The following PREP variants were observed in gnomAD, a reference collection of about 807,000 sequenced individuals.
The protein encoded by PREP is prolyl endopeptidase, also known as dJ355L5.1 (prolyl endopeptidase).
Under a neutral mutation model 87.6 loss-of-function variants are expected in PREP, and 29 were observed. That is an observed-to-expected ratio of 0.33 (90% confidence interval 0.25 to 0.45). The LOEUF (loss-of-function observed/expected upper bound fraction) is 0.45, where lower values mean the gene tolerates loss of function less well. Among genes scored for constraint, PREP ranks in the 20% least tolerant of loss-of-function variants. The pLI, the probability that PREP is intolerant of heterozygous loss-of-function variation, is 1.00. For synonymous variants in PREP, 337 were observed against 328.6 expected, an observed-to-expected ratio of 1.03 and a Z score of -0.28; for missense variants, 695 against 886.5, an observed-to-expected ratio of 0.78 and a Z score of 2.74.
At chr6:105,376,678 C>A (rs1032231372) in intron 3 of PREP, among the ~76,000 whole-genome samples, 5 of 152,186 alleles carry the variant, frequency 3.3e-5, no homozygotes, top group African/African-American at 1.2e-4. Flanking sequence ...GGCAAGACTG[C>A]AAATATTTCA....
chr6:105,302,590 G>C (rs569285841), intron 10 of PREP: 401 of 429,920 alleles, frequency 9.3e-4, no homozygotes, highest in South Asian at 1.6e-3. Flanking sequence ...CCAGGGGCTT[G>C]TACCTCTTGC....
Position 105,277,981 on chromosome 6 carries a change from C to CCT in PREP, c.*161_*162dup. ...CCAAGGCCTTGCTAAAAAGGAGAAG[C>CCT]CTAAAAAAGATAAAATTCCCACGGC... On this transcript the variant is annotated 3_prime_UTR_variant, in exon 15 of 15. Transcript: ENST00000652536. 1 of 1,003,048 alleles carries CCT rather than the reference C, an allele frequency of 1.0e-6. No homozygotes were observed. The highest frequency in any genetic ancestry group is 1.5e-6 in the Non-Finnish European group (1 of 682,942). 62.1% of individuals were successfully genotyped at this position (1,003,048 alleles called of 1,614,324 possible).
At chr6:105,384,422 T>A (rs1001897768) in intron 2 of PREP, among the ~76,000 whole-genome samples, 2 of 152,136 alleles carry the variant, frequency 1.3e-5, no homozygotes, top group Non-Finnish European at 2.9e-5. Context: ...AAGTTTGAGG[T>A]TTACCCTCTT....
chr6:105,309,219 A>T (rs1047786506), intron 10 of PREP, among the ~76,000 whole-genome samples: 29 of 152,250 alleles, frequency 1.9e-4, no homozygotes, highest in African/African-American at 6.7e-4. Flanking sequence ...TTTATTAAGT[A>T]GCCACTTTAT....
intron 9 of PREP, among the ~76,000 whole-genome samples, chr6:105,327,812 C>T (rs984854273): frequency 6.6e-6 from 1 of 152,198 alleles, no homozygotes; most frequent in Non-Finnish European, 1.5e-5. Flanking sequence ...CAGGGTCTGC[C>T]TGGTCAACTG....
chr6:105,325,817 T>C (rs1272270574), intron 9 of PREP, among the ~76,000 whole-genome samples: 1 of 152,074 alleles, frequency 6.6e-6, no homozygotes, highest in Non-Finnish European at 1.5e-5. Flanking sequence ...GGTCAGGTGA[T>C]CGCTAGGAAA....
chr6:105,362,153 T>A (rs78150460), intron 6 of PREP, among the ~76,000 whole-genome samples: 4 of 152,156 alleles, frequency 2.6e-5, no homozygotes, highest in Non-Finnish European at 5.9e-5. Flanking sequence ...TTTGATAAAT[T>A]TGGTTATTCA....
At chr6:105,392,077 C>G (rs1055875776) in intron 2 of PREP, among the ~76,000 whole-genome samples, 4 of 139,910 alleles carry the variant, frequency 2.9e-5, no homozygotes, top group Non-Finnish European at 6.0e-5. Context: ...CGGAGTCTGG[C>G]TCTGTCACCC....
At chr6:105,381,766 C>T (rs2114718739) in intron 2 of PREP, among the ~76,000 whole-genome samples, 1 of 152,270 alleles carries the variant, frequency 6.6e-6, no homozygotes. Context: ...AGCAAAGCTT[C>T]AGTTATGCAA....
At chr6:105,310,038 A>C (rs916374096) in intron 10 of PREP, among the ~76,000 whole-genome samples, 2 of 152,180 alleles carry the variant, frequency 1.3e-5, no homozygotes, top group African/African-American at 4.8e-5. Flanking sequence ...GTTTTATGTA[A>C]TTAAGATTGA....
chr6:105,341,356 C>T (rs1031710654), intron 7 of PREP, among the ~76,000 whole-genome samples: 11 of 152,128 alleles, frequency 7.2e-5, no homozygotes, highest in Admixed American at 6.5e-5. Context: ...AAAGACACAA[C>T]GTAGCAGAAT....
At chr6:105,395,466 A>C (rs1303376809) in intron 2 of PREP, among the ~76,000 whole-genome samples, 1 of 152,218 alleles carries the variant, frequency 6.6e-6, no homozygotes, top group Non-Finnish European at 1.5e-5. Context: ...GGAAATAAAA[A>C]GATATATTTC....
rs73512039 is a variant in PREP at position 105,273,954 on chromosome 6, G to A, written c.*4190C>T. The stretch of plus-strand genomic sequence containing the variant: ...GTCCGAATGTTGCTTCCTGAAAGAG[G>A]CACCCTGACCTCGACTCAAATAGCA... On this transcript the variant is annotated 3_prime_UTR_variant, in exon 15 of 15. Coordinates refer to ENST00000652536, the MANE Select transcript of PREP (RefSeq NM_002726.5). 0.07 allele frequency among the ~76,000 whole-genome samples: 10,709 copies of A among 152,200 alleles called. 1,233 individuals are homozygous for A. Among genetic ancestry groups the A allele is most frequent in the African/African-American group, 0.25 (10,174 of 41,474 alleles).
At chr6:105,315,376 T>C (rs978913215) in intron 10 of PREP, among the ~76,000 whole-genome samples, 4 of 152,190 alleles carry the variant, frequency 2.6e-5, no homozygotes, top group Admixed American at 2.0e-4. Flanking sequence ...TTGCACCACA[T>C]TGCCAGGCTC....
intron 2 of PREP, among the ~76,000 whole-genome samples, chr6:105,381,173 A>C (rs9486073): frequency 0.016 from 2,390 of 152,358 alleles, 80 homozygotes; most frequent in African/African-American, 0.054. Flanking sequence ...CACTCTTCCA[A>C]GTCAAATATC....
intron 1 of PREP, among the ~76,000 whole-genome samples, 184 bp downstream of exon 1, chr6:105,402,663 G>C (rs1452622478): frequency 1.3e-5 from 2 of 152,098 alleles, no homozygotes; most frequent in Non-Finnish European, 2.9e-5. Context: ...GTGACCGCCC[G>C]CGGGACCCCA....
chr6:105,350,541 C>T (rs1466336150), intron 7 of PREP, among the ~76,000 whole-genome samples: 1 of 152,054 alleles, frequency 6.6e-6, no homozygotes, highest in Non-Finnish European at 1.5e-5. Context: ...CTTTTATAGA[C>T]TAAATTTACT....
intron 7 of PREP, among the ~76,000 whole-genome samples, chr6:105,338,472 T>A (rs1562205748): frequency 6.6e-6 from 1 of 152,114 alleles, no homozygotes; most frequent in Non-Finnish European, 1.5e-5. Context: ...GCTCCCAGTG[T>A]GAGTGACACA....
At chr6:105,282,993 G>C (rs1017694093) in intron 12 of PREP, among the ~76,000 whole-genome samples, 1 of 152,204 alleles carries the variant, frequency 6.6e-6, no homozygotes, top group Admixed American at 6.5e-5. Flanking sequence ...CCCAGCACCC[G>C]AGCCGGAGCT....
Sources: allele counts gnomAD v4.1 joint callset (sites outside exome capture counted in the v4.1 genomes callset), GRCh38; gene constraint gnomAD v4.1.1; transcripts MANE v1.5; gene names NCBI Gene and HGNC (gene_info 2026-07-23, HGNC 2026-07-21).